NELFCD: variants seen among roughly 807,000 people sequenced by gnomAD.
The protein encoded by NELFCD is negative elongation factor complex member C/D, also known as negative elongation factor C/D.
A neutral mutation model predicts 72.9 loss-of-function variants in NELFCD; 48 were observed. The ratio of observed to expected loss-of-function variants is 0.66; its 90% CI spans 0.52 to 0.84. The LOEUF is 0.84. NELFCD is among the 40% of genes least tolerant of loss of function. The pLI is 0.00. For synonymous variants in NELFCD, 297 were observed against 280.6 expected, an observed-to-expected ratio of 1.06 and a Z score of -0.59; for missense variants, 538 against 723.8, an observed-to-expected ratio of 0.74 and a Z score of 2.94.
intron 1 of NELFCD, among the ~76,000 whole-genome samples, chr20:58,985,463 A>G (rs2146348964): frequency 6.6e-6 from 1 of 152,354 alleles, no homozygotes; most frequent in East Asian, 1.9e-4. Context: ...CCATCCTCAC[A>G]TGGTCATTAG....
chr20:58,987,419 C>G (rs980528924), intron 3 of NELFCD: 2 of 395,294 alleles, frequency 5.1e-6, no homozygotes, highest in Non-Finnish European at 9.1e-6. Context: ...TTTCCATCCC[C>G]CTACCTGTTG....
chr20:58,985,338 TAC>T (rs1024225000), intron 1 of NELFCD, among the ~76,000 whole-genome samples: 18 of 152,360 alleles, frequency 1.2e-4, no homozygotes, highest in Admixed American at 9.1e-4. Context: ...TGTCTTGTCT[TAC>T]ATTTTCTTAG....
intron 5 of NELFCD, chr20:58,989,277 T>G: frequency 6.2e-6 from 4 of 645,496 alleles, no homozygotes; most frequent in South Asian, 3.8e-5. Flanking sequence ...GCGTGCCTGC[T>G]TGATCTTCCT....
intron 14 of NELFCD, 75 bp downstream of exon 14, chr20:58,994,314 A>G (rs2091841613): frequency 1.3e-6 from 2 of 1,536,152 alleles, no homozygotes; most frequent in Admixed American, 1.8e-5. Context: ...CTGTAATCCC[A>G]GCACTTTGGG....
rs1409616417 is a variant in NELFCD, at chr20:58,994,149, G to A, written c.1621G>A (p.Val541Met). 7 of 1,614,206 alleles carry A rather than the reference G, an allele frequency of 4.3e-6. No individual in the cohort carries two copies. The East Asian group carries it at 6.7e-5, about 15-fold the overall frequency. Residue 541 changes from valine (V) to methionine (M), a missense_variant, in exon 14 of 15, where the codon GTG (valine) becomes ATG (methionine). Coordinates refer to ENST00000652272, the MANE Select transcript of NELFCD (RefSeq NM_198976.4). The stretch of plus-strand genomic sequence containing the variant: ...TGCTCCTCCTTATACCTCTGACTTC[G>A]TGCAACTTTTCCTCCCCATCCTGGA... ...VIAPPYTSDF[V>M]QLFLPILEND...
At chr20:58,982,196 G>C (rs1334842832) in intron 1 of NELFCD, among the ~76,000 whole-genome samples, 2 of 115,276 alleles carry the variant, frequency 1.7e-5, no homozygotes, top group Non-Finnish European at 3.3e-5. Flanking sequence ...CGCTCTTGTT[G>C]CCCAGGCTGG....
At position 58,994,899 on chromosome 20, in the gene NELFCD, C is replaced by T. The variant is rs2091848472; in HGVS notation, c.*223C>T. On this transcript the variant is annotated 3_prime_UTR_variant, in exon 15 of 15. Transcript: ENST00000652272. ...GTCAATCCAATACTGCTCCCAAATC[C>T]TGTTTTCAGTGTTCATTTCCCTCAA... The T allele has an allele frequency of 1.8e-6, 1 of 548,690 alleles. No homozygotes were observed. The highest frequency in any genetic ancestry group is 3.1e-5 in the East Asian group (1 of 31,990). The allele number at this position is 548,690 out of a possible 1,614,324, so 34.0% of individuals were successfully genotyped here. A position where few individuals can be genotyped will look rare whatever the true frequency, so the allele number is the denominator to read the frequency against.
At position 58,993,616 on chromosome 20, in the gene NELFCD, T is replaced by G; in HGVS notation, c.1441-8T>G. 6.2e-7 allele frequency: 1 copy of G among 1,614,236 alleles called. No individual in the cohort carries two copies. Among genetic ancestry groups the G allele is most frequent in the Non-Finnish European group, 8.5e-7 (1 of 1,180,028 alleles). On this transcript the variant is annotated splice_region_variant and splice_polypyrimidine_tract_variant and intron_variant, in intron 12 of 14. Coordinates refer to ENST00000652272, the MANE Select transcript of NELFCD (RefSeq NM_198976.4). This position sits in a 1 kb window ranked among gnomAD's most constrained non-coding sequence, Gnocchi z 5.0. ...TCTAACCAGCTCCCTGTCCCCCTTC[T>G]TCTGTAGCTTGAGTTGAAGAAGACA...
chr20:58,982,881 T>C (rs2091745955), intron 1 of NELFCD, among the ~76,000 whole-genome samples: 1 of 152,158 alleles, frequency 6.6e-6, no homozygotes, highest in Non-Finnish European at 1.5e-5. Flanking sequence ...GTTATCCCCT[T>C]CCACACACAG....
At chr20:58,985,798 T>C (rs2091767562) in intron 1 of NELFCD, among the ~76,000 whole-genome samples, 1 of 152,330 alleles carries the variant, frequency 6.6e-6, no homozygotes, top group East Asian at 1.9e-4. Context: ...GGCGTTATTA[T>C]TATCTTCACT....
intron 9 of NELFCD, 140 bp from the exon 10 acceptor site, chr20:58,991,741 G>A: frequency 1.0e-6 from 1 of 970,506 alleles, no homozygotes; most frequent in Non-Finnish European, 1.5e-6. Flanking sequence ...CTGTGTGACT[G>A]TGAAGTTTGA....
intron 10 of NELFCD, among the ~76,000 whole-genome samples, chr20:58,992,635 C>T (rs2091825438): frequency 6.6e-6 from 1 of 152,146 alleles, no homozygotes; most frequent in Non-Finnish European, 1.5e-5. Flanking sequence ...GTGGCTCTGG[C>T]CTGGAATCCC....
chr20:58,986,326 C>A lies in NELFCD; in HGVS notation c.176+118C>A. On this transcript the variant is annotated intron_variant, in intron 2 of 14. Coordinates refer to ENST00000652272, the MANE Select transcript of NELFCD (RefSeq NM_198976.4). The surrounding 1 kb of genome is among the most constrained non-coding windows in gnomAD (Gnocchi z 4.4). ...GTAACGCGAACTGAACTAAAGGCTT[C>A]AAGGGGGGGTCCCCTCTGCCACTTT... The A allele has an allele frequency of 1.5e-6, 1 of 656,470 alleles. No homozygotes were observed. Among genetic ancestry groups the A allele is most frequent in the Non-Finnish European group, 2.6e-6 (1 of 382,140 alleles). The allele number at this position is 656,470 out of a possible 1,614,324, so 40.7% of individuals were successfully genotyped here. A position where few individuals can be genotyped will look rare whatever the true frequency, so the allele number is the denominator to read the frequency against.
At chr20:58,992,305 C>T (rs2091823085) in intron 10 of NELFCD, among the ~76,000 whole-genome samples, 2 of 152,074 alleles carry the variant, frequency 1.3e-5, no homozygotes, top group Non-Finnish European at 2.9e-5. Context: ...TAAAGTTATG[C>T]CCACAAAGTA....
chr20:58,983,024 G>A (rs1002700508), intron 1 of NELFCD, among the ~76,000 whole-genome samples: 1 of 152,016 alleles, frequency 6.6e-6, no homozygotes, highest in East Asian at 1.9e-4. Context: ...CTTTGCCTCC[G>A]TTGCCACTTC....
intron 14 of NELFCD, 97 bp from the exon 15 acceptor site, chr20:58,994,545 A>G: frequency 3.8e-6 from 4 of 1,059,914 alleles, no homozygotes; most frequent in Non-Finnish European, 5.7e-6. Context: ...CTGGGCAACA[A>G]GAGCAAAACT....
intron 3 of NELFCD, 112 bp from the exon 4 acceptor site, chr20:58,987,595 AG>A (rs2091781720): frequency 1.2e-6 from 1 of 823,148 alleles, no homozygotes; most frequent in Admixed American, 2.4e-5. Context: ...ATAAGTGGTC[AG>A]AAGCAATTCT....
At chr20:58,988,201 T>A (rs2091786722) in intron 4 of NELFCD, among the ~76,000 whole-genome samples, 1 of 152,030 alleles carries the variant, frequency 6.6e-6, no homozygotes, top group Non-Finnish European at 1.5e-5. Context: ...GAAGATGGGG[T>A]AGGGCTGGAG....
chr20:58,987,382 G>C (rs2091780268), intron 3 of NELFCD: 1 of 337,292 alleles, frequency 3.0e-6, no homozygotes, highest in African/African-American at 2.2e-5. Flanking sequence ...GCTGCCATCT[G>C]CTCCCTCCTC....
Sources: gnomAD v4.1 joint callset for allele counts (sites outside exome capture counted in the v4.1 genomes callset) on GRCh38, gnomAD v4.1.1 for gene constraint, Gnocchi (gnomAD v3.1) non-coding constraint, MANE v1.5 for transcripts, NCBI Gene and HGNC (gene_info 2026-07-23, HGNC 2026-07-21) for gene names.